Variants in ATRN observed in about 807,000 individuals in gnomAD.
The protein encoded by ATRN is attractin-2.
A neutral mutation model predicts 178.7 loss-of-function variants in ATRN; 54 were observed. The observed-to-expected ratio is 0.30, with a 90% confidence interval of 0.24 to 0.38. ATRN has a LOEUF of 0.38. Among genes scored for constraint, ATRN ranks in the 10% least tolerant of loss-of-function variants. The probability of loss-of-function intolerance (pLI) is 1.00; values close to 1 mark genes in which losing one functional copy is unlikely to be tolerated. For synonymous variants in ATRN, 636 were observed against 663.0 expected, an observed-to-expected ratio of 0.96 and a Z score of 0.63; for missense variants, 1,443 against 1,815.1, an observed-to-expected ratio of 0.79 and a Z score of 3.73.
chr20:3,524,839 A>G (rs890656355), intron 1 of ATRN, among the ~76,000 whole-genome samples: 4 of 152,216 alleles, frequency 2.6e-5, no homozygotes, highest in Non-Finnish European at 4.4e-5. Context: ...GCAGAAATAA[A>G]TAAGTTCTTT....
intron 27 of ATRN, among the ~76,000 whole-genome samples, chr20:3,641,832 G>A (rs1028195783): frequency 1.3e-5 from 2 of 152,092 alleles, no homozygotes; most frequent in African/African-American, 2.4e-5. Flanking sequence ...CAAAAGAAAT[G>A]TCTGAAGGAT....
intron 24 of ATRN, among the ~76,000 whole-genome samples, chr20:3,609,046 G>GT (rs1370417451): frequency 6.6e-6 from 1 of 151,342 alleles, no homozygotes; most frequent in Non-Finnish European, 1.5e-5. Context: ...TTTTAGGATT[G>GT]TTTTTTCTAT....
At chr20:3,491,164 A>C (rs550474467) in intron 1 of ATRN, among the ~76,000 whole-genome samples, 18 of 152,288 alleles carry the variant, frequency 1.2e-4, no homozygotes, top group African/African-American at 4.1e-4. Flanking sequence ...AAATCAAAAA[A>C]AACCCTTCTT....
At chr20:3,602,089 G>A (rs1429318990) in intron 23 of ATRN, among the ~76,000 whole-genome samples, 3 of 152,080 alleles carry the variant, frequency 2.0e-5, no homozygotes, top group Non-Finnish European at 2.9e-5. Flanking sequence ...AGCACTGTGG[G>A]AAGCCAAGGT....
At chr20:3,583,501 G>A (rs758853653) in intron 16 of ATRN, among the ~76,000 whole-genome samples, 2 of 152,096 alleles carry the variant, frequency 1.3e-5, no homozygotes, top group African/African-American at 2.4e-5. Flanking sequence ...ACATTAATGG[G>A]TCATCACCCA....
chr20:3,500,165 A>T (rs1388866140), intron 1 of ATRN, among the ~76,000 whole-genome samples: 7 of 152,200 alleles, frequency 4.6e-5, no homozygotes, highest in African/African-American at 1.7e-4. Flanking sequence ...AATGGCAATC[A>T]TTCAAAAGTC....
At chr20:3,487,287 G>A (rs770651403) in intron 1 of ATRN, among the ~76,000 whole-genome samples, 3 of 152,130 alleles carry the variant, frequency 2.0e-5, no homozygotes, top group African/African-American at 7.2e-5. Flanking sequence ...AGGCTGGAGT[G>A]CAGTGGCATG....
chr20:3,551,187 C>G (rs556483405), intron 6 of ATRN, among the ~76,000 whole-genome samples: 3 of 152,188 alleles, frequency 2.0e-5, no homozygotes, highest in Non-Finnish European at 2.9e-5. Context: ...TATGCTCTAT[C>G]CCCAGGATGT....
At chr20:3,506,849 C>G (rs2085051684) in intron 1 of ATRN, among the ~76,000 whole-genome samples, 1 of 151,558 alleles carries the variant, frequency 6.6e-6, no homozygotes. Context: ...ATAACAAGAT[C>G]AATAATTTCA....
At position 3,642,597 on chromosome 20, in the gene ATRN, T is replaced by C. The variant is rs558474397; in HGVS notation, c.4051-1557T>C. On this transcript the variant is annotated intron_variant, in intron 27 of 28. Transcript: ENST00000262919. ...CCACCGCTGTCTCTCACCTGGATTC[T>C]TGCAGTTACTTCATAACTGATCTCC... Among the ~76,000 whole-genome samples the C allele has an allele frequency of 1.4e-4, 22 of 152,150 alleles. 1 individual carries two copies. The highest frequency in any genetic ancestry group is 1.2e-3 in the Admixed American group (18 of 15,302).
At chr20:3,600,351 G>GA (rs1436140890) in intron 22 of ATRN, among the ~76,000 whole-genome samples, 1 of 151,962 alleles carries the variant, frequency 6.6e-6, no homozygotes, top group Non-Finnish European at 1.5e-5. Context: ...TATTTCTCTT[G>GA]AAATAATATT....
chr20:3,483,451 A>T (rs779789161), intron 1 of ATRN, among the ~76,000 whole-genome samples: 1 of 152,086 alleles, frequency 6.6e-6, no homozygotes, highest in Non-Finnish European at 1.5e-5. Context: ...GGCTTAGGTG[A>T]TCCTCCCACC....
chr20:3,510,861 C>G (rs1258042784), intron 1 of ATRN, among the ~76,000 whole-genome samples: 1 of 152,150 alleles, frequency 6.6e-6, no homozygotes, highest in East Asian at 1.9e-4. Flanking sequence ...ATCAGAATTT[C>G]CTTCTACTTT....
At chr20:3,538,056 A>G (rs2085565286) in intron 2 of ATRN, among the ~76,000 whole-genome samples, 1 of 150,122 alleles carries the variant, frequency 6.7e-6, no homozygotes, top group African/African-American at 2.5e-5. Context: ...CACTGCACCC[A>G]CTAACTCGTC....
intron 1 of ATRN, among the ~76,000 whole-genome samples, chr20:3,488,150 A>G (rs990154276): frequency 6.6e-6 from 1 of 152,006 alleles, no homozygotes; most frequent in African/African-American, 2.4e-5. Flanking sequence ...ACTTTTTTTC[A>G]GGTTCAGCTG....
chr20:3,474,132 G>C (rs940032122), intron 1 of ATRN, among the ~76,000 whole-genome samples: 3 of 152,176 alleles, frequency 2.0e-5, no homozygotes, highest in Non-Finnish European at 4.4e-5. Context: ...AGCTCTCTCT[G>C]AGAGTCCACA....
chr20:3,576,695 G>GTCTATCTATCTATCTA (rs1555819445), intron 13 of ATRN, among the ~76,000 whole-genome samples, 164 bp from the exon 14 acceptor site: 4,725 of 142,320 alleles, frequency 0.033, 104 homozygotes, highest in Non-Finnish European at 0.047. Context: ...CTGTCTGTCT[G>GTCTATCTATCTATCTA]TCTATCTATC....
At chr20:3,490,330 C>T (rs938924687) in intron 1 of ATRN, 57 of 1,013,708 alleles carry the variant, frequency 5.6e-5, no homozygotes, top group Non-Finnish European at 7.3e-5. Context: ...TTGTCTCTTT[C>T]GCCCATCCAG....
intron 6 of ATRN, among the ~76,000 whole-genome samples, chr20:3,549,610 A>G (rs947114275): frequency 1.3e-5 from 2 of 152,214 alleles, no homozygotes; most frequent in African/African-American, 4.8e-5. Flanking sequence ...GTTCTATATA[A>G]GTAGGGGATT....
Sources: allele counts gnomAD v4.1 joint callset (sites outside exome capture counted in the v4.1 genomes callset), GRCh38; gene constraint gnomAD v4.1.1; transcripts MANE v1.5; gene names NCBI Gene and HGNC (gene_info 2026-07-23, HGNC 2026-07-21).